MMP16: variants seen among roughly 807,000 people sequenced by gnomAD.
The protein encoded by MMP16 is matrix metalloproteinase-16.
Under a neutral mutation model 67.8 loss-of-function variants are expected in MMP16, and 12 were observed. The observed-to-expected ratio is 0.18, with a 90% CI of 0.11 to 0.29. The LOEUF (loss-of-function observed/expected upper bound fraction) is 0.29, where lower values mean the gene tolerates loss of function less well. Ranked by LOEUF, MMP16 falls within the 10% of genes least tolerant of loss-of-function variation. The pLI, the probability that MMP16 is intolerant of heterozygous loss-of-function variation, is 1.00. For synonymous variants in MMP16, 249 were observed against 255.9 expected, an observed-to-expected ratio of 0.97 and a Z score of 0.26; for missense variants, 475 against 765.7, an observed-to-expected ratio of 0.62 and a Z score of 4.48.
chr8:88,249,740 T>C (rs549388195), intron 1 of MMP16, among the ~76,000 whole-genome samples: 30 of 152,050 alleles, frequency 2.0e-4, no homozygotes, highest in Admixed American at 3.9e-4. Context: ...CCACTGGCTG[T>C]AGAGCTCCAC....
In MMP16 at chr8:88,307,209, C is replaced by T. The variant is rs375613771; in HGVS notation, c.132+19866G>A. 2.0e-5 allele frequency among the ~76,000 whole-genome samples: 3 copies of T among 152,114 alleles called. No homozygotes were observed. In the East Asian group the frequency reaches 5.8e-4, roughly 29 times the overall value. On this transcript the variant is annotated intron_variant, in intron 1 of 9. Coordinates refer to ENST00000286614, the MANE Select transcript of MMP16 (RefSeq NM_005941.5). ...CCCATACTTTCCTGGTGCACTCCAT[C>T]CAACAATCTCTGAACTACATTAGCA...
intron 1 of MMP16, among the ~76,000 whole-genome samples, chr8:88,235,179 G>T (rs1481433768): frequency 6.6e-6 from 1 of 152,038 alleles, no homozygotes; most frequent in Non-Finnish European, 1.5e-5. Flanking sequence ...GGAGACTGAG[G>T]TCAGGAGTTC....
At chr8:88,051,806 A>G (rs1200339939) in intron 8 of MMP16, among the ~76,000 whole-genome samples, 2 of 152,152 alleles carry the variant, frequency 1.3e-5, no homozygotes, top group African/African-American at 4.8e-5. Context: ...AAATATGGCA[A>G]TAGAGTCTTA....
intron 9 of MMP16, among the ~76,000 whole-genome samples, chr8:88,045,363 TTTTG>T (rs1047828908): frequency 9.7e-4 from 148 of 152,098 alleles, no homozygotes; most frequent in African/African-American, 3.3e-3. Flanking sequence ...TTTCTTATCT[TTTTG>T]TTTGTTTGTT....
At chr8:88,125,955 C>T (rs1807923852) in intron 4 of MMP16, among the ~76,000 whole-genome samples, 1 of 151,840 alleles carries the variant, frequency 6.6e-6, no homozygotes, top group Non-Finnish European at 1.5e-5. Flanking sequence ...AAAGTAATCA[C>T]ATAATAAATT....
intron 3 of MMP16, among the ~76,000 whole-genome samples, chr8:88,178,867 T>C (rs1043391274): frequency 1.3e-5 from 2 of 152,054 alleles, no homozygotes; most frequent in African/African-American, 4.8e-5. Flanking sequence ...AGAGCTGGGA[T>C]AGGACAATAT....
intron 1 of MMP16, among the ~76,000 whole-genome samples, chr8:88,275,703 C>T (rs1317570558): frequency 6.6e-6 from 1 of 151,566 alleles, no homozygotes; most frequent in Non-Finnish European, 1.5e-5. Context: ...CCATATATTA[C>T]TTAATATCAA....
At chr8:88,280,890 G>A (rs1057149027) in intron 1 of MMP16, among the ~76,000 whole-genome samples, 3 of 151,860 alleles carry the variant, frequency 2.0e-5, no homozygotes, top group Non-Finnish European at 4.4e-5. Context: ...ATCTCACTCT[G>A]TTTTTTTCAC....
intron 1 of MMP16, among the ~76,000 whole-genome samples, chr8:88,287,532 T>C (rs1229538205): frequency 6.6e-6 from 1 of 152,194 alleles, no homozygotes; most frequent in African/African-American, 2.4e-5. Context: ...GCCCTCGGGT[T>C]GATGCAGAAA....
At chr8:88,106,061 A>ATATATG (rs1181739238) in intron 6 of MMP16, among the ~76,000 whole-genome samples, 1 of 149,202 alleles carries the variant, frequency 6.7e-6, no homozygotes, top group Non-Finnish European at 1.5e-5. Flanking sequence ...GTATATATAT[A>ATATATG]TATATATATA....
intron 1 of MMP16, among the ~76,000 whole-genome samples, chr8:88,313,540 TTTC>T (rs1195809670): frequency 1.3e-5 from 2 of 152,170 alleles, no homozygotes; most frequent in African/African-American, 4.8e-5. Flanking sequence ...TTACTGTAGT[TTTC>T]TTCTTTTTTC....
rs549528124 is a variant in MMP16, at chr8:88,092,964, G to T, written c.1084-18221C>A. On this transcript the variant is annotated intron_variant, in intron 6 of 9. Coordinates refer to ENST00000286614, the MANE Select transcript of MMP16 (RefSeq NM_005941.5). ...AAACTGGGATGCATGCAAATCTGTG[G>T]AAGAATAACAAAGGTATTTAATTCT... Among the ~76,000 whole-genome samples, 9 of 151,900 alleles carry T rather than the reference G, an allele frequency of 5.9e-5. 1 individual carries two copies. In the South Asian group the frequency reaches 1.9e-3, roughly 32 times the overall value.
chr8:88,088,077 T>G (rs529907104), intron 6 of MMP16, among the ~76,000 whole-genome samples: 1 of 98,532 alleles, frequency 1.0e-5, no homozygotes, highest in East Asian at 7.0e-4. Flanking sequence ...TAGATATCTA[T>G]ATATCTATAT....
At chr8:88,280,130 C>T (rs1224033283) in intron 1 of MMP16, among the ~76,000 whole-genome samples, 1 of 152,190 alleles carries the variant, frequency 6.6e-6, no homozygotes, top group Non-Finnish European at 1.5e-5. Context: ...CTGACAAACA[C>T]TGAACTGCAT....
chr8:88,056,133 T>C lies in MMP16; in HGVS notation c.1368A>G (p.Gly456=). The stretch of plus-strand genomic sequence containing the variant: ...CATGAGAAGTGTATACTGACCTGTC[T>C]CCCTTGAAGAAATAGGTTTTCCCGA... ...EDVGKTYFFK[G]DRYWRYSEEM... is the part of the protein sequence containing the mutation. The change falls in exon 8 of 10, where the codon GGA becomes GGG. Residue 456 remains glycine, a synonymous_variant. Coordinates refer to ENST00000286614, the MANE Select transcript of MMP16 (RefSeq NM_005941.5). The C allele has an allele frequency of 6.4e-7, 1 of 1,554,506 alleles. No individual in the cohort carries two copies. Among genetic ancestry groups the C allele is most frequent in the Non-Finnish European group, 8.7e-7 (1 of 1,146,404 alleles).
At chr8:88,159,172 C>A (rs575922245) in intron 4 of MMP16, among the ~76,000 whole-genome samples, 1 of 152,056 alleles carries the variant, frequency 6.6e-6, no homozygotes, top group Non-Finnish European at 1.5e-5. Flanking sequence ...TCCATATGAA[C>A]TTTAAACTAG....
Position 88,327,353 on chromosome 8 carries a change from G to C in MMP16, c.-147C>G. ...CACCCACAGCCGGGCAAGGGGAGGA[G>C]ACAGGGGCCCCGCGCTCGGCAGCCC... is the stretch of plus-strand genomic sequence containing the variant. On this transcript the variant is annotated 5_prime_UTR_variant, in exon 1 of 10. Transcript: ENST00000286614. The C allele has an allele frequency of 9.6e-7, 1 of 1,038,168 alleles. No homozygotes were observed. Among genetic ancestry groups the C allele is most frequent in the Non-Finnish European group, 1.4e-6 (1 of 720,872 alleles). 64.3% of individuals were successfully genotyped at this position (1,038,168 alleles called of 1,614,324 possible).
At chr8:88,270,974 T>A (rs1016451613) in intron 1 of MMP16, among the ~76,000 whole-genome samples, 1 of 152,218 alleles carries the variant, frequency 6.6e-6, no homozygotes, top group African/African-American at 2.4e-5. Context: ...TACCTTTGTA[T>A]CTACCCAGAC....
Position 88,042,208 on chromosome 8 carries a change from T to C in MMP16, c.1490-413A>G, listed in dbSNP as rs28988876. ...AACAGCCTTATAAACTGAAACACTG[T>C]TTACCCTCAGGCTGTTACTGGGAAC... On this transcript the variant is annotated intron_variant, in intron 9 of 9. Transcript: ENST00000286614. 1.6e-4 allele frequency among the ~76,000 whole-genome samples: 24 copies of C among 152,180 alleles called. 1 individual carries two copies. Among genetic ancestry groups the C allele is most frequent in the Admixed American group, 1.4e-3 (21 of 15,270 alleles).
Sources: allele counts gnomAD v4.1 joint callset (sites outside exome capture counted in the v4.1 genomes callset), GRCh38; gene constraint gnomAD v4.1.1; transcripts MANE v1.5; gene names NCBI Gene and HGNC (gene_info 2026-07-23, HGNC 2026-07-21).